Variants in FAM135B observed in about 807,000 individuals in gnomAD.
FAM135B encodes the protein protein FAM135B.
A neutral mutation model predicts 127.7 loss-of-function variants in FAM135B; 43 were observed. That is an observed-to-expected ratio of 0.34 (90% CI 0.26 to 0.43). The LOEUF is 0.43. Among genes scored for constraint, FAM135B ranks in the 20% least tolerant of loss-of-function variants. The pLI, the probability that FAM135B is intolerant of heterozygous loss-of-function variation, is 1.00. For synonymous variants in FAM135B, 670 were observed against 665.1 expected (o/e 1.01, Z -0.11); for missense variants, 1,558 against 1,725.6 (o/e 0.90, Z 1.72).
intron 1 of FAM135B, among the ~76,000 whole-genome samples, chr8:138,475,720 C>A (rs796759382): frequency 2.6e-5 from 4 of 152,320 alleles, no homozygotes; most frequent in African/African-American, 9.6e-5. Flanking sequence ...AAACAAAACA[C>A]TGGCAACACA....
At chr8:138,169,379 T>C (rs1377804126) in intron 11 of FAM135B, among the ~76,000 whole-genome samples, 3 of 151,998 alleles carry the variant, frequency 2.0e-5, no homozygotes, top group African/African-American at 7.3e-5. Flanking sequence ...TTTAACTCTT[T>C]AAATGTTCTT....
chr8:138,141,148 AGAG>A lies in FAM135B; in HGVS notation c.3790+47_3790+49del. ...GTACCTGTGCCCGGTTTCACGCCCCAGAGGCCCCAGATTAATTCTGAGGAATGA... is the reference window on the plus strand; with the variant it reads ...GTACCTGTGCCCGGTTTCACGCCCCAGCCCCAGATTAATTCTGAGGAATGA... On this transcript the variant is annotated intron_variant, in intron 17 of 19. Transcript: ENST00000395297. The surrounding 1 kb of genome is among the most constrained non-coding windows in gnomAD (Gnocchi z 4.7). 6.3e-7 allele frequency: 1 copy of A among 1,588,708 alleles called. No individual in the cohort carries two copies. Among genetic ancestry groups the A allele is most frequent in the Non-Finnish European group, 8.6e-7 (1 of 1,160,504 alleles).
At chr8:138,457,181 T>C (rs1335276499) in intron 1 of FAM135B, among the ~76,000 whole-genome samples, 1 of 151,550 alleles carries the variant, frequency 6.6e-6, no homozygotes, top group Non-Finnish European at 1.5e-5. Context: ...GAAGGGGGCA[T>C]GGGATGTAAG....
At chr8:138,493,139 C>A (rs1052582230) in intron 1 of FAM135B, among the ~76,000 whole-genome samples, 12 of 152,180 alleles carry the variant, frequency 7.9e-5, no homozygotes, top group African/African-American at 2.9e-4. Context: ...GGTGTGCAGC[C>A]ACCTAGAAAT....
intron 12 of FAM135B, among the ~76,000 whole-genome samples, chr8:138,154,587 A>G (rs1237615442): frequency 1.3e-5 from 2 of 152,170 alleles, no homozygotes; most frequent in Non-Finnish European, 2.9e-5. Context: ...AACAGCATAG[A>G]GAAGACCTTA....
intron 7 of FAM135B, among the ~76,000 whole-genome samples, chr8:138,231,544 A>C (rs1203494935): frequency 6.6e-6 from 1 of 152,144 alleles, no homozygotes. Context: ...TTCTCTGATG[A>C]CTCCGTGCTA....
In FAM135B at chr8:138,242,596, G is replaced by A. The variant is rs1056988820; in HGVS notation, c.669+346C>T. Among the ~76,000 whole-genome samples, 1 of 152,158 alleles carries A rather than the reference G, an allele frequency of 6.6e-6. No homozygotes were observed. The highest frequency in any genetic ancestry group is 1.5e-5 in the Non-Finnish European group (1 of 68,048). ...AGTGCACAAATGAAAGCGGGAGCCA[G>A]GTTTTGAAACCAGACATGGCCTTCA... is the stretch of plus-strand genomic sequence containing the variant. On this transcript the variant is annotated intron_variant, in intron 7 of 19. Transcript: ENST00000395297. This position sits in a 1 kb window ranked among gnomAD's most constrained non-coding sequence, Gnocchi z 9.6.
intron 3 of FAM135B, among the ~76,000 whole-genome samples, chr8:138,283,478 A>G (rs1474099308): frequency 1.3e-5 from 2 of 152,142 alleles, no homozygotes; most frequent in Non-Finnish European, 2.9e-5. Context: ...TTAATAGGCA[A>G]AGCTCAGAGG....
chr8:138,310,089 T>A (rs1826562708), intron 3 of FAM135B, among the ~76,000 whole-genome samples: 1 of 152,072 alleles, frequency 6.6e-6, no homozygotes, highest in African/African-American at 2.4e-5. Flanking sequence ...CAGGCTGGTC[T>A]CAAACTCCTG....
upstream of FAM135B, among the ~76,000 whole-genome samples, chr8:138,497,287 C>T (rs1378532769): frequency 7.3e-5 from 11 of 150,428 alleles, no homozygotes; most frequent in East Asian, 1.6e-3. Context: ...TCACGCGCTC[C>T]CACCTCGGTC....
chr8:138,220,976 T>C (rs568350132), intron 7 of FAM135B, among the ~76,000 whole-genome samples: 3 of 152,226 alleles, frequency 2.0e-5, no homozygotes, highest in East Asian at 3.8e-4. Flanking sequence ...TCAGGCTGCA[T>C]AGACTAAAAA....
At chr8:138,268,592 C>T (rs1563839468) in intron 3 of FAM135B, among the ~76,000 whole-genome samples, 1 of 152,104 alleles carries the variant, frequency 6.6e-6, no homozygotes, top group Admixed American at 6.5e-5. Flanking sequence ...ACACTCCCTG[C>T]TTCATTCCCA....
Position 138,140,304 on chromosome 8 carries a change from G to A in FAM135B, c.3790+894C>T, listed in dbSNP as rs533459810. 4.6e-5 allele frequency among the ~76,000 whole-genome samples: 7 copies of A among 152,358 alleles called. No individual in the cohort carries two copies. The South Asian group carries it at 1.4e-3, about 32-fold the overall frequency. ...GACAGGGGACAGTGGCAGAGGCCTG[G>A]AAGATTGCAGGGACAAGGAAGCTTA... On this transcript the variant is annotated intron_variant, in intron 17 of 19. Transcript: ENST00000395297.
intron 1 of FAM135B, among the ~76,000 whole-genome samples, chr8:138,486,503 T>A (rs1410769447): frequency 6.6e-6 from 1 of 152,186 alleles, no homozygotes. Context: ...AGCCTGCAGT[T>A]GCTTTGTTCT....
chr8:138,451,244 C>A (rs1157802164), intron 1 of FAM135B, among the ~76,000 whole-genome samples: 4 of 152,300 alleles, frequency 2.6e-5, no homozygotes, highest in African/African-American at 9.6e-5. Flanking sequence ...TCATATTCTT[C>A]CAAACCACTC....
intron 2 of FAM135B, among the ~76,000 whole-genome samples, chr8:138,344,172 C>A (rs1224641218): frequency 6.6e-6 from 1 of 152,122 alleles, no homozygotes; most frequent in Non-Finnish European, 1.5e-5. Flanking sequence ...CGAATGTGAG[C>A]CAAAATCATT....
intron 1 of FAM135B, among the ~76,000 whole-genome samples, chr8:138,466,663 A>G (rs1837396980): frequency 6.6e-6 from 1 of 152,178 alleles, no homozygotes; most frequent in African/African-American, 2.4e-5. Flanking sequence ...AGTAAGGACA[A>G]ATTAATAATC....
At chr8:138,197,273 T>C (rs1281645763) in intron 8 of FAM135B, among the ~76,000 whole-genome samples, 1 of 152,192 alleles carries the variant, frequency 6.6e-6, no homozygotes, top group East Asian at 1.9e-4. Flanking sequence ...AGGTACTCAA[T>C]AGATGTCTGG....
intron 7 of FAM135B, among the ~76,000 whole-genome samples, chr8:138,202,721 A>C (rs995523414): frequency 6.6e-6 from 1 of 152,198 alleles, no homozygotes; most frequent in African/African-American, 2.4e-5. Context: ...GACTTATGTA[A>C]TGCTCCAGTG....
Sources: gnomAD v4.1 joint callset for allele counts (sites outside exome capture counted in the v4.1 genomes callset) on GRCh38, gnomAD v4.1.1 for gene constraint, Gnocchi (gnomAD v3.1) non-coding constraint, MANE v1.5 for transcripts, NCBI Gene and HGNC (gene_info 2026-07-23, HGNC 2026-07-21) for gene names.